ANKFY1: variants seen among roughly 807,000 people sequenced by gnomAD.
ANKFY1 encodes the protein ankyrin repeat and FYVE domain-containing protein 1.
ANKFY1 carries 47 observed loss-of-function variants against 128.3 expected under a neutral mutation model. That is an observed-to-expected ratio of 0.37 (90% CI 0.29 to 0.47). The LOEUF (loss-of-function observed/expected upper bound fraction) is 0.47, where lower values mean the gene tolerates loss of function less well. ANKFY1 is among the 20% of genes least tolerant of loss of function. The pLI, the probability that ANKFY1 is intolerant of heterozygous loss-of-function variation, is 1.00. For missense variants in ANKFY1, 1,222 were observed against 1,510.6 expected (o/e 0.81, Z 3.17); for synonymous variants, 553 against 601.6 (o/e 0.92, Z 1.18).
intron 1 of ANKFY1, among the ~76,000 whole-genome samples, chr17:4,247,114 TA>T (rs113145218): frequency 1.9e-3 from 251 of 134,582 alleles, no homozygotes; most frequent in Middle Eastern, 0.011. Flanking sequence ...GACCCTGTCT[TA>T]AAAAAAAAAA....
At chr17:4,205,992 T>A (rs1438534343) in intron 7 of ANKFY1, among the ~76,000 whole-genome samples, 1 of 152,224 alleles carries the variant, frequency 6.6e-6, no homozygotes, top group Non-Finnish European at 1.5e-5. Context: ...AGCAAAACCT[T>A]CCTAGCACAA....
At chr17:4,229,718 G>C (rs1167434519) in intron 3 of ANKFY1, among the ~76,000 whole-genome samples, 1 of 152,156 alleles carries the variant, frequency 6.6e-6, no homozygotes, top group Non-Finnish European at 1.5e-5. Flanking sequence ...AGAATCTTTG[G>C]GCATGGGACT....
intron 7 of ANKFY1, among the ~76,000 whole-genome samples, chr17:4,203,932 G>A (rs2059979743): frequency 6.6e-6 from 1 of 150,952 alleles, no homozygotes; most frequent in Non-Finnish European, 1.5e-5. Context: ...ATAAAGTGAA[G>A]ACTCATCTTC....
At chr17:4,168,191 G>C in intron 24 of ANKFY1, 1 of 226,070 alleles carries the variant, frequency 4.4e-6, no homozygotes, top group Non-Finnish European at 8.4e-6. Context: ...GGTGGCTCAC[G>C]CCTGTAATCC....
chr17:4,216,822 C>A (rs779088014), intron 4 of ANKFY1, 161 bp downstream of exon 4: 2 of 983,316 alleles, frequency 2.0e-6, no homozygotes, highest in East Asian at 2.6e-5. Context: ...TACAAGATAA[C>A]ACAAAGCAAG....
At chr17:4,179,692 T>A (rs778241775) in intron 17 of ANKFY1, 29 bp downstream of exon 17, 1 of 1,610,158 alleles carries the variant, frequency 6.2e-7, no homozygotes, top group Admixed American at 1.7e-5. Context: ...GGGCTACACC[T>A]CTCTCCCCGG....
intron 3 of ANKFY1, among the ~76,000 whole-genome samples, 160 bp from the exon 4 acceptor site, chr17:4,217,278 G>A (rs2060236703): frequency 1.3e-5 from 2 of 152,238 alleles, no homozygotes; most frequent in Non-Finnish European, 2.9e-5. Context: ...GCCGGGTGCA[G>A]TGGCTCACGC....
rs375038173 is a variant in ANKFY1 at position 4,169,149 on chromosome 17, A to C, written c.3377+49T>G. ...GTCCTGGAGAAGGGGGGAAGCAATG[A>C]CATCAGCGGCAGTCCCCTCGCTCCT... On this transcript the variant is annotated intron_variant, in intron 24 of 24. Coordinates refer to ENST00000341657, the MANE Select transcript of ANKFY1 (RefSeq NM_001330063.2). The surrounding 1 kb of genome is among the most constrained non-coding windows in gnomAD (Gnocchi z 5.0). The C allele has an allele frequency of 5.5e-5, 82 of 1,485,028 alleles. No individual in the cohort carries two copies. Among genetic ancestry groups the C allele is most frequent in the Admixed American group, 7.9e-5 (4 of 50,612 alleles). The allele number at this position is 1,485,028 out of a possible 1,614,324, so 92.0% of individuals were successfully genotyped here.
chr17:4,193,590 C>CTAA (rs1400472964), intron 10 of ANKFY1, among the ~76,000 whole-genome samples: 5 of 151,782 alleles, frequency 3.3e-5, no homozygotes, highest in Non-Finnish European at 7.4e-5. Context: ...TCACGCCCGG[C>CTAA]TAATTTTTGT....
chr17:4,174,022 T>C lies in ANKFY1; in HGVS notation c.2810A>G (p.Lys937Arg), dbSNP rs1298985587. ...LAGAKVNELT[K>R]HRQTALHLAA... ...AAGATGGAGGGCAGTCTGGCGATGC[T>C]TGGTTAATTCGTTCACTTTGGCTCC... Residue 937 changes from lysine (K) to arginine (R), a missense_variant, in exon 20 of 25, where the codon AAG (lysine) becomes AGG (arginine). Transcript: ENST00000341657. 5 of 1,614,196 alleles carry C rather than the reference T, an allele frequency of 3.1e-6. No homozygotes were observed. The highest frequency in any genetic ancestry group is 4.2e-6 in the Non-Finnish European group (5 of 1,180,024).
intron 1 of ANKFY1, among the ~76,000 whole-genome samples, chr17:4,254,511 G>A (rs1448473060): frequency 6.6e-6 from 1 of 152,060 alleles, no homozygotes; most frequent in East Asian, 1.9e-4. Flanking sequence ...GCCTCCAGAG[G>A]GAATAGGGCC....
chr17:4,248,123 A>T (rs562452844), intron 1 of ANKFY1, among the ~76,000 whole-genome samples: 1 of 152,220 alleles, frequency 6.6e-6, no homozygotes, highest in African/African-American at 2.4e-5. Flanking sequence ...TCACATGGAA[A>T]ATGAGACTAA....
intron 22 of ANKFY1, among the ~76,000 whole-genome samples, chr17:4,171,493 G>A (rs1407222730): frequency 6.6e-6 from 1 of 152,124 alleles, no homozygotes; most frequent in African/African-American, 2.4e-5. Context: ...ACAATAAGAT[G>A]AGGGTTATTC....
chr17:4,170,343 AT>A (rs1427835348), intron 23 of ANKFY1, among the ~76,000 whole-genome samples: 3 of 152,156 alleles, frequency 2.0e-5, no homozygotes, highest in Non-Finnish European at 4.4e-5. Context: ...AGGAGAGCTG[AT>A]AGGGGCTGGA....
chr17:4,250,826 G>T (rs1967789339), intron 1 of ANKFY1, among the ~76,000 whole-genome samples: 1 of 152,088 alleles, frequency 6.6e-6, no homozygotes, highest in African/African-American at 2.4e-5. Context: ...GTAGAGACAG[G>T]GTCTCAGTAT....
chr17:4,245,473 G>C (rs1355214314), intron 1 of ANKFY1, among the ~76,000 whole-genome samples: 3 of 151,752 alleles, frequency 2.0e-5, no homozygotes, highest in Admixed American at 1.3e-4. Flanking sequence ...CTAGTACCTG[G>C]GACCACAAGT....
In ANKFY1 at chr17:4,199,147, G is replaced by A. The variant is rs531343231; in HGVS notation, c.899-1570C>T. ...TGCACTCTAGCCTGGGTGACAGAGA[G>A]AGATCCTGACTCAACAAAGGCTGAG... is the stretch of plus-strand genomic sequence containing the variant. On this transcript the variant is annotated intron_variant, in intron 7 of 24. Coordinates refer to ENST00000341657, the MANE Select transcript of ANKFY1 (RefSeq NM_001330063.2). 3.3e-5 allele frequency among the ~76,000 whole-genome samples: 5 copies of A among 152,372 alleles called. No homozygotes were observed. The South Asian group carries it at 1.0e-3, about 32-fold the overall frequency.
In ANKFY1 at chr17:4,165,913, C is replaced by G. The variant is rs968939296; in HGVS notation, c.*1866G>C. The G allele has an allele frequency of 4.6e-5, 7 of 152,190 alleles. No individual in the cohort carries two copies. Among genetic ancestry groups the G allele is most frequent in the African/African-American group, 1.7e-4 (7 of 41,448 alleles). 9.4% of individuals were successfully genotyped at this position (152,190 alleles called of 1,614,324 possible). On this transcript the variant is annotated 3_prime_UTR_variant, in exon 25 of 25. Transcript: ENST00000341657. ...TTACTTTCTAACTTAGGTAACCAAGCTACCTAAGCCCTGCCTGCTTCCTTA... is the reference window on the plus strand; with the variant it reads ...TTACTTTCTAACTTAGGTAACCAAGGTACCTAAGCCCTGCCTGCTTCCTTA...
chr17:4,232,000 G>C (rs1245203004), intron 3 of ANKFY1, among the ~76,000 whole-genome samples: 1 of 151,732 alleles, frequency 6.6e-6, no homozygotes, highest in Non-Finnish European at 1.5e-5. Flanking sequence ...GAAAAATGTG[G>C]AGTTTTTCTT....
Sources: gnomAD v4.1 joint callset for allele counts (sites outside exome capture counted in the v4.1 genomes callset) on GRCh38, gnomAD v4.1.1 for gene constraint, Gnocchi (gnomAD v3.1) non-coding constraint, MANE v1.5 for transcripts, NCBI Gene and HGNC (gene_info 2026-07-23, HGNC 2026-07-21) for gene names.